PCSK5: variants seen among roughly 807,000 people sequenced by gnomAD.
PCSK5 encodes proprotein convertase subtilisin/kexin type 5.
PCSK5 carries 129 observed loss-of-function variants against 233.2 expected under a neutral mutation model. That is an observed-to-expected ratio of 0.55 (90% CI 0.48 to 0.64). The LOEUF (loss-of-function observed/expected upper bound fraction) is 0.64, where lower values mean the gene tolerates loss of function less well. PCSK5 is among the 30% of genes least tolerant of loss of function. The pLI is 0.00. For missense variants in PCSK5, 2,076 were observed against 2,430.1 expected, an observed-to-expected ratio of 0.85 and a Z score of 3.06; for synonymous variants, 825 against 879.2, an observed-to-expected ratio of 0.94 and a Z score of 1.09.
intron 2 of PCSK5, among the ~76,000 whole-genome samples, chr9:75,981,230 T>C (rs1344811897): frequency 6.6e-6 from 1 of 152,176 alleles, no homozygotes; most frequent in Admixed American, 6.5e-5. Context: ...GAAATGTTTA[T>C]TCCTAGTCAA....
chr9:76,078,156 T>C (rs1830704434), intron 7 of PCSK5, among the ~76,000 whole-genome samples: 2 of 152,220 alleles, frequency 1.3e-5, no homozygotes, highest in Non-Finnish European at 1.5e-5. Context: ...TGTTGAATTG[T>C]TTAAGTTCCT....
chr9:75,933,077 G>A (rs192712104), intron 2 of PCSK5, among the ~76,000 whole-genome samples: 7 of 152,200 alleles, frequency 4.6e-5, no homozygotes, highest in Non-Finnish European at 7.4e-5. Context: ...TCCAGACGAC[G>A]TACCCCTGGG....
chr9:76,031,651 T>C (rs568179231), intron 5 of PCSK5, among the ~76,000 whole-genome samples: 2 of 152,182 alleles, frequency 1.3e-5, no homozygotes, highest in Non-Finnish European at 2.9e-5. Flanking sequence ...ATTGTGCCAC[T>C]GCACTCCAGC....
intron 14 of PCSK5, 106 bp downstream of exon 14, chr9:76,175,235 T>TG (rs746933324): frequency 0.15 from 43,785 of 294,292 alleles, 2,187 homozygotes; most frequent in Non-Finnish European, 0.17. Context: ...TGGAATGGAA[T>TG]GAAATGGAAT....
chr9:75,923,998 C>G (rs1823366377), intron 1 of PCSK5, among the ~76,000 whole-genome samples: 1 of 151,992 alleles, frequency 6.6e-6, no homozygotes, highest in Admixed American at 6.6e-5. Flanking sequence ...TTATAAGGAC[C>G]CTTGTGATGA....
intron 9 of PCSK5, among the ~76,000 whole-genome samples, chr9:76,131,409 A>C (rs1223529352): frequency 2.0e-5 from 3 of 152,086 alleles, no homozygotes; most frequent in African/African-American, 7.2e-5. Flanking sequence ...AAATTCAGGA[A>C]ATTTTCAAAT....
chr9:76,210,565 G>C (rs1327190128), intron 20 of PCSK5, among the ~76,000 whole-genome samples: 2 of 152,198 alleles, frequency 1.3e-5, no homozygotes, highest in Non-Finnish European at 2.9e-5. Context: ...TAGAGGATGA[G>C]GGTAAAATTG....
At chr9:76,060,380 A>G (rs1355485630) in intron 5 of PCSK5, among the ~76,000 whole-genome samples, 2 of 152,250 alleles carry the variant, frequency 1.3e-5, no homozygotes, top group African/African-American at 4.8e-5. Context: ...AGAATCATAA[A>G]GGAAAATTAT....
intron 8 of PCSK5, among the ~76,000 whole-genome samples, chr9:76,105,841 A>G (rs1250321920): frequency 6.6e-6 from 1 of 152,228 alleles, no homozygotes; most frequent in Admixed American, 6.5e-5. Context: ...AGAGTTGTCA[A>G]AAGGAACAAA....
In PCSK5 at chr9:76,174,916, G is replaced by GACTT. The variant is rs1367163017; in HGVS notation, c.1757-68_1757-65dup. The GACTT allele has an allele frequency of 3.6e-5, 51 of 1,401,642 alleles. No homozygotes were observed. In the Admixed American group the frequency reaches 3.8e-4, roughly 11 times the overall value. 86.8% of individuals were successfully genotyped at this position (1,401,642 alleles called of 1,614,324 possible). On this transcript the variant is annotated intron_variant, in intron 13 of 37. Transcript: ENST00000674117. ...CTGTTGCTTTTTCTTGAGTGAGAAG[G>GACTT]ACTTAAAGATGTTACAGAGCTAAAG...
chr9:76,176,558 A>G (rs894168375), intron 14 of PCSK5, among the ~76,000 whole-genome samples: 2 of 152,228 alleles, frequency 1.3e-5, no homozygotes, highest in Non-Finnish European at 2.9e-5. Flanking sequence ...ATGCAGTCTT[A>G]TGGGAAGAAT....
At chr9:76,327,623 G>A (rs560463167) in intron 32 of PCSK5, among the ~76,000 whole-genome samples, 11 of 152,158 alleles carry the variant, frequency 7.2e-5, no homozygotes, top group Admixed American at 4.6e-4. Flanking sequence ...AAGGTACTCC[G>A]GAGGTGAGTG....
intron 24 of PCSK5, among the ~76,000 whole-genome samples, chr9:76,261,938 A>C (rs1827186622): frequency 6.6e-6 from 1 of 152,190 alleles, no homozygotes; most frequent in Non-Finnish European, 1.5e-5. Flanking sequence ...ATATACAATC[A>C]TGTCATCTGC....
At chr9:76,226,484 C>T (rs1385669934) in intron 20 of PCSK5, among the ~76,000 whole-genome samples, 1 of 152,086 alleles carries the variant, frequency 6.6e-6, no homozygotes, top group Non-Finnish European at 1.5e-5. Context: ...AGTAAGACAA[C>T]GTGATTAAAC....
At position 76,156,894 on chromosome 9, in the gene PCSK5, C is replaced by G. The variant is rs374764147; in HGVS notation, c.1313-151C>G. The G allele has an allele frequency of 8.5e-5, 55 of 648,654 alleles. No homozygotes were observed. The African/African-American group carries it at 9.5e-4, about 11-fold the overall frequency. 40.2% of individuals were successfully genotyped at this position (648,654 alleles called of 1,614,324 possible). On this transcript the variant is annotated intron_variant, in intron 10 of 37. Transcript: ENST00000674117. ...CATATGTCTTATTTTCTTGACATGACTATGTATTTGTTTTGCTGGATTTAT... is the reference window on the plus strand; with the variant it reads ...CATATGTCTTATTTTCTTGACATGAGTATGTATTTGTTTTGCTGGATTTAT...
At chr9:76,082,789 A>T (rs927322871) in intron 7 of PCSK5, among the ~76,000 whole-genome samples, 2 of 152,112 alleles carry the variant, frequency 1.3e-5, no homozygotes, top group African/African-American at 2.4e-5. Context: ...AGCATTTCAC[A>T]ATTTCCTGAC....
intron 35 of PCSK5, among the ~76,000 whole-genome samples, chr9:76,347,875 T>C (rs1489324072): frequency 6.6e-6 from 1 of 152,160 alleles, no homozygotes; most frequent in Non-Finnish European, 1.5e-5. Context: ...TCTTAATTTA[T>C]TTTATTGTAA....
In PCSK5 at chr9:76,189,729, G is replaced by T. The variant is rs746426800; in HGVS notation, c.2609G>T (p.Gly870Val). 6.3e-7 allele frequency: 1 copy of T among 1,590,822 alleles called. No homozygotes were observed. Among genetic ancestry groups the T allele is most frequent in the South Asian group, 1.1e-5 (1 of 90,522 alleles). ...YLLDLGMCQM[G>V]AICKDGEYVD... ...TTAGACTTAGGAATGTGTCAAATGG[G>T]AGCCATTTGCAAGGATGGTGAGTAC... The change falls in exon 20 of 38, where the codon GGA becomes GTA. Residue 870 changes from glycine (G) to valine (V), a missense_variant. This residue lies in a region of PCSK5 where 1,510 missense variants were observed against 1,538.1 expected (regional missense o/e 0.98). Transcript: ENST00000674117.
intron 24 of PCSK5, among the ~76,000 whole-genome samples, chr9:76,279,614 G>T (rs1244210809): frequency 6.6e-6 from 1 of 151,436 alleles, no homozygotes; most frequent in Non-Finnish European, 1.5e-5. Context: ...TCTAACTGGT[G>T]TGAGATGATA....
Sources: allele counts gnomAD v4.1 joint callset (sites outside exome capture counted in the v4.1 genomes callset), GRCh38; gene constraint gnomAD v4.1.1; regional missense constraint gnomAD v4.1.1; transcripts MANE v1.5; gene names NCBI Gene and HGNC (gene_info 2026-07-23, HGNC 2026-07-21).